The following RGS17 variants were observed in gnomAD, a reference collection of about 807,000 sequenced individuals.
The protein encoded by RGS17 is regulator of G-protein signaling 17.
In RGS17, 12 loss-of-function variants were observed where a neutral mutation model predicts 25.5. That is an observed-to-expected ratio of 0.47 (90% CI 0.30 to 0.76). RGS17 has a LOEUF of 0.76. RGS17 is among the 30% of genes least tolerant of loss of function. RGS17 has a pLI of 0.07. For missense variants in RGS17, 196 were observed against 242.2 expected, an observed-to-expected ratio of 0.81 and a Z score of 1.27; for synonymous variants, 71 against 76.9, an observed-to-expected ratio of 0.92 and a Z score of 0.40.
chr6:153,115,982 C>A (rs1179168399), intron 1 of RGS17, among the ~76,000 whole-genome samples: 1 of 152,106 alleles, frequency 6.6e-6, no homozygotes, highest in Non-Finnish European at 1.5e-5. Flanking sequence ...AGAAGAAAAC[C>A]TAGGCAATAC....
At chr6:153,123,124 G>A (rs754528437) in intron 1 of RGS17, among the ~76,000 whole-genome samples, 8 of 104,600 alleles carry the variant, frequency 7.6e-5, no homozygotes, top group Non-Finnish European at 1.6e-4. Flanking sequence ...ATAGGTCATT[G>A]TATTGCTTTA....
At chr6:153,022,660 T>C (rs569982137) in intron 4 of RGS17, among the ~76,000 whole-genome samples, 5 of 152,232 alleles carry the variant, frequency 3.3e-5, no homozygotes, top group Non-Finnish European at 7.3e-5. Flanking sequence ...AAGAAGCACA[T>C]ATTTGGGCAC....
At chr6:153,118,269 T>C (rs890775034) in intron 1 of RGS17, among the ~76,000 whole-genome samples, 1 of 152,226 alleles carries the variant, frequency 6.6e-6, no homozygotes, top group Non-Finnish European at 1.5e-5. Context: ...TACTGCCTTA[T>C]TGGCTTTTAC....
intron 1 of RGS17, among the ~76,000 whole-genome samples, chr6:153,113,600 T>C (rs1273669905): frequency 6.6e-6 from 1 of 152,134 alleles, no homozygotes; most frequent in Admixed American, 6.5e-5. Context: ...TCTACAGAAC[T>C]CTCCACCCCA....
chr6:153,126,167 T>C (rs1005436541), intron 1 of RGS17, among the ~76,000 whole-genome samples: 1 of 152,236 alleles, frequency 6.6e-6, no homozygotes, highest in South Asian at 2.1e-4. Context: ...AGAAATCAAA[T>C]GAATGTCCCT....
intron 1 of RGS17, among the ~76,000 whole-genome samples, chr6:153,093,226 T>A (rs906596806): frequency 6.6e-6 from 1 of 152,176 alleles, no homozygotes; most frequent in African/African-American, 2.4e-5. Flanking sequence ...ACAGTGGCTA[T>A]TGTGTGAATG....
chr6:153,097,290 ATTTTTTTTTTTTTTT>A (rs3083488), intron 1 of RGS17, among the ~76,000 whole-genome samples: 5 of 88,302 alleles, frequency 5.7e-5, no homozygotes, highest in African/African-American at 1.8e-4. Flanking sequence ...CGTTTTTTTG[ATTTTTTTTTTTTTTT>A]TTTTTTTTTT....
intron 1 of RGS17, among the ~76,000 whole-genome samples, chr6:153,128,940 C>G (rs1777744999): frequency 6.6e-6 from 1 of 152,106 alleles, no homozygotes; most frequent in African/African-American, 2.4e-5. Context: ...AGTTGCGGAA[C>G]TATAGCAAAA....
chr6:153,093,877 T>C (rs920539473), intron 1 of RGS17, among the ~76,000 whole-genome samples: 1 of 152,170 alleles, frequency 6.6e-6, no homozygotes, highest in Non-Finnish European at 1.5e-5. Context: ...GACAAGTCAC[T>C]TAAATTTACT....
At chr6:153,053,176 T>C (rs1166574439) in intron 1 of RGS17, among the ~76,000 whole-genome samples, 5 of 152,252 alleles carry the variant, frequency 3.3e-5, no homozygotes, top group Admixed American at 3.3e-4. Flanking sequence ...GATATTGTTA[T>C]ATGTTAATAT....
Position 153,006,276 on chromosome 6 carries a change from C to G in RGS17, c.*5298G>C, listed in dbSNP as rs1017786665. The G allele has an allele frequency of 1.3e-5, 2 of 152,292 alleles. No homozygotes were observed. The highest frequency in any genetic ancestry group is 4.8e-5 in the African/African-American group (2 of 41,420). The allele number at this position is 152,292 out of a possible 1,614,324, so 9.4% of individuals were successfully genotyped here. A position where few individuals can be genotyped will look rare whatever the true frequency, so the allele number is the denominator to read the frequency against. ...TTATAACTTAGTCTTAGCCCTATAA[C>G]TCATTTATATATTTAGCAAGTAATT... On this transcript the variant is annotated 3_prime_UTR_variant, in exon 5 of 5. Transcript: ENST00000206262.
intron 2 of RGS17, among the ~76,000 whole-genome samples, chr6:153,040,434 G>A (rs1584129708): frequency 6.6e-6 from 1 of 152,020 alleles, no homozygotes; most frequent in Admixed American, 6.6e-5. Context: ...ATATTACACT[G>A]TTAAAAAACC....
intron 1 of RGS17, among the ~76,000 whole-genome samples, chr6:153,100,652 T>G (rs1028013266): frequency 4.6e-5 from 7 of 152,336 alleles, no homozygotes; most frequent in Admixed American, 3.9e-4. Context: ...TATAGGAACG[T>G]TCCTAGAGGA....
intron 2 of RGS17, among the ~76,000 whole-genome samples, chr6:153,033,803 GTTGA>G (rs1776189356): frequency 6.6e-6 from 1 of 152,040 alleles, no homozygotes; most frequent in Non-Finnish European, 1.5e-5. Context: ...CAGTTCTCAC[GTTGA>G]TTAAAATCCT....
At chr6:153,013,260 G>A (rs1779152455) in intron 4 of RGS17, among the ~76,000 whole-genome samples, 1 of 152,112 alleles carries the variant, frequency 6.6e-6, no homozygotes, top group African/African-American at 2.4e-5. Flanking sequence ...TGTGATCAGT[G>A]ACCTTCGATG....
In RGS17 at chr6:153,020,107, A is replaced by AT. The variant is rs1205305073; in HGVS notation, c.444+4154_444+4155insA. Among the ~76,000 whole-genome samples, 379 of 47,736 alleles carry AT rather than the reference A, an allele frequency of 7.9e-3. 13 individuals are homozygous for AT. The highest frequency in any genetic ancestry group is 0.019 in the Admixed American group (68 of 3,534). The allele number at this position is 47,736 out of a possible 152,430, so 31.3% of individuals were successfully genotyped here. ...TCCTAATTGCAAATATCTTAAAAAA[A>AT]AAAAATATATATATATATATATATA... On this transcript the variant is annotated intron_variant, in intron 4 of 4. Transcript: ENST00000206262.
chr6:153,092,141 T>C lies in RGS17; in HGVS notation c.-26+38983A>G, dbSNP rs540688970. Among the ~76,000 whole-genome samples the C allele has an allele frequency of 4.4e-4, 67 of 152,358 alleles. 3 individuals are homozygous for C. Among genetic ancestry groups the C allele is most frequent in the African/African-American group, 1.6e-3 (67 of 41,582 alleles). ...ATTACTGGACTTACTCTTTGAATTT[T>C]TGTCTTTTAAAAATATAGACATAAT... On this transcript the variant is annotated intron_variant, in intron 1 of 4. Coordinates refer to ENST00000206262, the MANE Select transcript of RGS17 (RefSeq NM_012419.5).
chr6:153,027,116 A>T (rs1389235241), intron 2 of RGS17, among the ~76,000 whole-genome samples: 1 of 152,154 alleles, frequency 6.6e-6, no homozygotes, highest in Non-Finnish European at 1.5e-5. Context: ...CACCCCAGTA[A>T]ATCAATGTCC....
intron 1 of RGS17, among the ~76,000 whole-genome samples, chr6:153,058,409 G>A (rs1350171540): frequency 6.6e-6 from 1 of 152,108 alleles, no homozygotes; most frequent in Non-Finnish European, 1.5e-5. Flanking sequence ...CTAATGGTTT[G>A]GTTTATTATT....
Sources: allele counts gnomAD v4.1 joint callset (sites outside exome capture counted in the v4.1 genomes callset), GRCh38; gene constraint gnomAD v4.1.1; transcripts MANE v1.5; gene names NCBI Gene and HGNC (gene_info 2026-07-23, HGNC 2026-07-21).